CREB5: variants seen among roughly 807,000 people sequenced by gnomAD.
The protein encoded by CREB5 is cAMP responsive element binding protein 5.
A neutral mutation model predicts 57.1 loss-of-function variants in CREB5; 19 were observed. That is an observed-to-expected ratio of 0.33 (90% CI 0.23 to 0.49). The LOEUF (loss-of-function observed/expected upper bound fraction) is 0.49, where lower values mean the gene tolerates loss of function less well. Ranked by LOEUF, CREB5 falls within the 20% of genes least tolerant of loss-of-function variation. The pLI is 0.99. For missense variants in CREB5, 579 were observed against 671.6 expected (o/e 0.86, Z 1.52); for synonymous variants, 238 against 238.3 (o/e 1.00, Z 0.01).
At chr7:28,600,541 G>A (rs968587061) in intron 5 of CREB5, among the ~76,000 whole-genome samples, 1 of 152,178 alleles carries the variant, frequency 6.6e-6, no homozygotes, top group African/African-American at 2.4e-5. Flanking sequence ...ATGATGAGGA[G>A]GAGGGGCTGG....
rs1024658600 is a variant in CREB5 at position 28,643,753 on chromosome 7, G to GC, written c.464+73216_464+73217insC. Among the ~76,000 whole-genome samples, 14 of 90,530 alleles carry GC rather than the reference G, an allele frequency of 1.5e-4. 1 individual carries two copies. The highest frequency in any genetic ancestry group is 6.4e-4 in the East Asian group (1 of 1,568). The allele number at this position is 90,530 out of a possible 152,430, so 59.4% of individuals were successfully genotyped here. A position where few individuals can be genotyped will look rare whatever the true frequency, so the allele number is the denominator to read the frequency against. On this transcript the variant is annotated intron_variant, in intron 5 of 10. Coordinates refer to ENST00000357727, the MANE Select transcript of CREB5 (RefSeq NM_182898.4). ...GAATAGTTCACGGGTTTGGGAGGTG[G>GC]GGGGGGGCGGAAGAAAAAAAAAAAA...
At chr7:28,758,015 C>T (rs749037704) in intron 7 of CREB5, among the ~76,000 whole-genome samples, 1 of 152,098 alleles carries the variant, frequency 6.6e-6, no homozygotes, top group Non-Finnish European at 1.5e-5. Flanking sequence ...TAACAGTAGT[C>T]GTTTTGTAGC....
intron 5 of CREB5, among the ~76,000 whole-genome samples, chr7:28,688,965 G>A (rs1178980293): frequency 6.6e-6 from 1 of 152,102 alleles, no homozygotes; most frequent in Non-Finnish European, 1.5e-5. Flanking sequence ...AGGAGCACTA[G>A]CCTGGCTGTG....
At chr7:28,623,025 G>A (rs1797862685) in intron 5 of CREB5, among the ~76,000 whole-genome samples, 1 of 152,122 alleles carries the variant, frequency 6.6e-6, no homozygotes, top group Non-Finnish European at 1.5e-5. Context: ...TGGGATTACA[G>A]GCACCCACCA....
intron 5 of CREB5, among the ~76,000 whole-genome samples, chr7:28,606,279 T>C (rs1002575134): frequency 5.9e-5 from 9 of 152,244 alleles, no homozygotes; most frequent in Non-Finnish European, 1.2e-4. Context: ...TTCTTCAAGA[T>C]ATATTCATGC....
At chr7:28,529,089 T>A (rs1793603707) in intron 4 of CREB5, among the ~76,000 whole-genome samples, 1 of 152,192 alleles carries the variant, frequency 6.6e-6, no homozygotes, top group Non-Finnish European at 1.5e-5. Flanking sequence ...GATTCCTGAT[T>A]CTTCTGTGGG....
At chr7:28,798,076 T>C (rs1337722307) in intron 7 of CREB5, among the ~76,000 whole-genome samples, 4 of 152,212 alleles carry the variant, frequency 2.6e-5, no homozygotes, top group Non-Finnish European at 5.9e-5. Context: ...AGAGAGCCTC[T>C]TACTTCTGTG....
chr7:28,642,242 A>G (rs925476014), intron 5 of CREB5, among the ~76,000 whole-genome samples: 1 of 152,226 alleles, frequency 6.6e-6, no homozygotes, highest in Admixed American at 6.5e-5. Context: ...CTATGCTGAT[A>G]AAAACCAGGG....
intron 1 of CREB5, among the ~76,000 whole-genome samples, chr7:28,483,377 T>C (rs377727571): frequency 6.6e-5 from 10 of 152,282 alleles, no homozygotes; most frequent in Admixed American, 1.3e-4. Context: ...AGGGTTTGAA[T>C]TGTAAATCAA....
chr7:28,737,584 T>TAA (rs1554293665), intron 7 of CREB5, among the ~76,000 whole-genome samples: 37 of 27,540 alleles, frequency 1.3e-3, no homozygotes, highest in Non-Finnish European at 1.8e-3. Flanking sequence ...TATATATATA[T>TAA]ATATTTTTAA....
At chr7:28,560,875 CGTGCGT>C (rs1554344357) in intron 4 of CREB5, among the ~76,000 whole-genome samples, 2 of 19,220 alleles carry the variant, frequency 1.0e-4, no homozygotes, top group Admixed American at 6.5e-4. Flanking sequence ...CCTGCGTGCG[CGTGCGT>C]GCGTGCGTGT....
intron 5 of CREB5, among the ~76,000 whole-genome samples, chr7:28,576,484 G>A (rs778693460): frequency 2.0e-5 from 3 of 152,142 alleles, no homozygotes; most frequent in Admixed American, 6.5e-5. Flanking sequence ...GCTCCTGACC[G>A]TGGCAATACC....
At chr7:28,498,076 T>G (rs1322631044) in intron 3 of CREB5, among the ~76,000 whole-genome samples, 1 of 152,204 alleles carries the variant, frequency 6.6e-6, no homozygotes, top group Non-Finnish European at 1.5e-5. Context: ...ATACTTTTTT[T>G]TCTTAAAAGA....
intron 3 of CREB5, among the ~76,000 whole-genome samples, chr7:28,503,122 T>C (rs888696403): frequency 3.3e-5 from 5 of 152,224 alleles, no homozygotes; most frequent in Non-Finnish European, 5.9e-5. Flanking sequence ...TCTGCCCAGC[T>C]GATAATGTGA....
intron 1 of CREB5, among the ~76,000 whole-genome samples, chr7:28,426,006 C>G (rs1289743583): frequency 1.3e-5 from 2 of 152,228 alleles, no homozygotes; most frequent in Non-Finnish European, 2.9e-5. Context: ...CCTTCACTGA[C>G]TTGGCCCTTT....
chr7:28,340,150 C>T (rs1249471769), intron 1 of CREB5, among the ~76,000 whole-genome samples: 3 of 152,128 alleles, frequency 2.0e-5, no homozygotes, highest in African/African-American at 7.2e-5. Context: ...AAACTCGTAC[C>T]TAAGGTGCAA....
intron 4 of CREB5, among the ~76,000 whole-genome samples, chr7:28,549,283 T>C (rs1479297388): frequency 1.3e-5 from 2 of 152,244 alleles, no homozygotes; most frequent in Admixed American, 6.5e-5. Flanking sequence ...GTCCAACAGA[T>C]GTCAAATACT....
chr7:28,722,917 G>A (rs763084372), intron 6 of CREB5, among the ~76,000 whole-genome samples: 31 of 152,146 alleles, frequency 2.0e-4, no homozygotes, highest in African/African-American at 3.4e-4. Flanking sequence ...CCCCTGCTCC[G>A]AGGCAGACAC....
rs1562797286 is a variant in CREB5 at position 28,560,861 on chromosome 7, TGTGCCTGCGTGCGCGTGCGTGC to T, written c.292-9499_292-9478del. 3.1e-4 allele frequency among the ~76,000 whole-genome samples: 14 copies of T among 45,878 alleles called. 1 individual carries two copies. Among genetic ancestry groups the T allele is most frequent in the Admixed American group, 3.8e-4 (2 of 5,234 alleles). 30.1% of individuals were successfully genotyped at this position (45,878 alleles called of 152,430 possible). On this transcript the variant is annotated intron_variant, in intron 4 of 10. Transcript: ENST00000357727. ...GTGTGTGTGCGCGTGTGTGTGTGCG[TGTGCCTGCGTGCGCGTGCGTGC>T]GTGCGTGTGTGTGCGTGCGCGCGTG...
Sources: gnomAD v4.1 joint callset for allele counts (sites outside exome capture counted in the v4.1 genomes callset) on GRCh38, gnomAD v4.1.1 for gene constraint, MANE v1.5 for transcripts, NCBI Gene and HGNC (gene_info 2026-07-23, HGNC 2026-07-21) for gene names.